The following ANKFN1 variants were observed in gnomAD, a reference collection of about 807,000 sequenced individuals.
The protein encoded by ANKFN1 is ankyrin repeat and fibronectin type-III domain-containing protein 1.
In ANKFN1, 74 loss-of-function variants were observed where a neutral mutation model predicts 108.7. That is an observed-to-expected ratio of 0.68 (90% CI 0.56 to 0.83). ANKFN1 has a LOEUF of 0.83. Among genes scored for constraint, ANKFN1 ranks in the 40% least tolerant of loss-of-function variants. ANKFN1 has a pLI of 0.00. For missense variants in ANKFN1, 1,505 were observed against 1,382.3 expected (o/e 1.09, Z -1.41); for synonymous variants, 547 against 516.2 (o/e 1.06, Z -0.81).
At chr17:56,414,591 G>A (rs1180470566) in intron 8 of ANKFN1, among the ~76,000 whole-genome samples, 1 of 152,130 alleles carries the variant, frequency 6.6e-6, no homozygotes, top group Non-Finnish European at 1.5e-5. Context: ...AGATAACACA[G>A]AGAAAGAACT....
intron 18 of ANKFN1, among the ~76,000 whole-genome samples, chr17:56,489,172 T>C (rs1009644449): frequency 6.6e-6 from 1 of 152,218 alleles, no homozygotes; most frequent in African/African-American, 2.4e-5. Context: ...CTTATGTTAG[T>C]CTGCCACTAT....
intron 3 of ANKFN1, among the ~76,000 whole-genome samples, chr17:56,287,499 C>T (rs1232180543): frequency 6.6e-6 from 1 of 152,308 alleles, no homozygotes; most frequent in South Asian, 2.1e-4. Context: ...GACCCCCAAA[C>T]AGCACCTAAG....
chr17:56,283,743 G>C (rs116156430), intron 3 of ANKFN1, among the ~76,000 whole-genome samples: 6,609 of 151,792 alleles, frequency 0.044, 497 homozygotes, highest in African/African-American at 0.15. Flanking sequence ...TCAGGGGAAA[G>C]GGTGGGAGGG....
At chr17:56,302,898 T>C (rs1057212826) in intron 3 of ANKFN1, among the ~76,000 whole-genome samples, 2 of 152,228 alleles carry the variant, frequency 1.3e-5, no homozygotes, top group African/African-American at 4.8e-5. Context: ...ATTCTAAGAA[T>C]TGTCATGGTT....
At chr17:56,495,184 G>T in intron 19 of ANKFN1, among the ~76,000 whole-genome samples, 1 of 152,078 alleles carries the variant, frequency 6.6e-6, no homozygotes, top group East Asian at 1.9e-4. Context: ...TAACTTCTTG[G>T]TCTGGGTAAA....
rs182952880 is a variant in ANKFN1, at chr17:56,194,279, T to G, written c.-70-18319T>G. Among the ~76,000 whole-genome samples the G allele has an allele frequency of 1.8e-3, 272 of 152,178 alleles. 3 individuals carry two copies. The highest frequency in any genetic ancestry group is 6.1e-3 in the African/African-American group (253 of 41,508). On this transcript the variant is annotated intron_variant, in intron 1 of 20. Transcript: ENST00000682825. ...ACTTCTTGGTATTTATCCTAAGGAG[T>G]TGGAAACTTATATCCACACAAAAAC...
At chr17:56,369,453 G>A (rs547503998) in intron 6 of ANKFN1, among the ~76,000 whole-genome samples, 2 of 152,160 alleles carry the variant, frequency 1.3e-5, no homozygotes, top group South Asian at 4.1e-4. Context: ...ATTCCAGGGT[G>A]GCAAAAATAG....
intron 8 of ANKFN1, among the ~76,000 whole-genome samples, chr17:56,424,220 C>T (rs1460907775): frequency 6.6e-6 from 1 of 152,190 alleles, no homozygotes; most frequent in Non-Finnish European, 1.5e-5. Flanking sequence ...CTGTATCATC[C>T]CTCAGACTTA....
chr17:56,268,065 A>C (rs1189936839), intron 3 of ANKFN1, among the ~76,000 whole-genome samples: 1 of 152,170 alleles, frequency 6.6e-6, no homozygotes, highest in Non-Finnish European at 1.5e-5. Context: ...ACCTATATTC[A>C]ACATTTCACC....
rs868145440 is a variant in ANKFN1 at position 56,144,818 on chromosome 17, C to T, written c.289-83099C>T. 3.3e-5 allele frequency among the ~76,000 whole-genome samples: 5 copies of T among 152,306 alleles called. No homozygotes were observed. The South Asian group carries it at 8.3e-4, about 25-fold the overall frequency. On this transcript the variant is annotated intron_variant, in intron 4 of 12. Transcript: ENST00000635860. ...ATGTCTGAGGCACAAATCCCTGAAG[C>T]AGACCCAGGGACCACTGCCCTTTCC...
At chr17:56,510,429 A>G (rs1361914959) in intron 20 of ANKFN1, 44 bp from the exon 21 acceptor site, 6 of 1,492,878 alleles carry the variant, frequency 4.0e-6, no homozygotes, top group Non-Finnish European at 5.4e-6. Context: ...AGCAGGCTCT[A>G]GCTAAGACTA....
intron 2 of ANKFN1, among the ~76,000 whole-genome samples, chr17:56,223,391 TA>T: frequency 6.6e-6 from 1 of 152,270 alleles, no homozygotes; most frequent in East Asian, 1.9e-4. Context: ...TTATTTCGAT[TA>T]CAAATATTTT....
At chr17:56,049,481 G>A (rs946137660) in intron 4 of ANKFN1, among the ~76,000 whole-genome samples, 2 of 151,422 alleles carry the variant, frequency 1.3e-5, no homozygotes, top group Non-Finnish European at 2.9e-5. Flanking sequence ...ATGCTGGTGC[G>A]CTGCACCCAC....
At chr17:56,498,453 G>A (rs767802177) in intron 19 of ANKFN1, among the ~76,000 whole-genome samples, 10 of 152,070 alleles carry the variant, frequency 6.6e-5, no homozygotes, top group South Asian at 2.1e-4. Context: ...TTATATGTAT[G>A]AGCAATGTAC....
In ANKFN1 at chr17:56,443,556, G is replaced by A. The variant is rs1026551873; in HGVS notation, c.1099+623G>A. On this transcript the variant is annotated intron_variant, in intron 10 of 20. Coordinates refer to ENST00000682825, the MANE Select transcript of ANKFN1 (RefSeq NM_001370326.1). ...CACCCGCAGTGCACACATCCACATCGACCTGATAAGAAAATGAAAGCTAAC... is the reference window on the plus strand; with the variant it reads ...CACCCGCAGTGCACACATCCACATCAACCTGATAAGAAAATGAAAGCTAAC... Among the ~76,000 whole-genome samples the A allele has an allele frequency of 3.3e-5, 5 of 151,908 alleles. No individual in the cohort carries two copies. In the South Asian group the frequency reaches 6.2e-4, roughly 19 times the overall value.
At chr17:56,083,414 C>T (rs889117653) in intron 4 of ANKFN1, among the ~76,000 whole-genome samples, 3 of 151,352 alleles carry the variant, frequency 2.0e-5, no homozygotes, top group Non-Finnish European at 4.4e-5. Flanking sequence ...AATTGTTCTC[C>T]ACACTCCCTC....
At chr17:56,163,865 G>A (rs1909906127) in intron 1 of ANKFN1, among the ~76,000 whole-genome samples, 2 of 152,180 alleles carry the variant, frequency 1.3e-5, no homozygotes, top group African/African-American at 2.4e-5. Flanking sequence ...ATCTATGAGG[G>A]AGAAAGCATC....
At chr17:56,167,557 G>A (rs1256309351) in intron 1 of ANKFN1, among the ~76,000 whole-genome samples, 1 of 151,868 alleles carries the variant, frequency 6.6e-6, no homozygotes. Flanking sequence ...AGATGACTTT[G>A]GGTGAGTTAC....
At chr17:56,345,057 C>T (rs761760616) in intron 4 of ANKFN1, among the ~76,000 whole-genome samples, 37 of 151,954 alleles carry the variant, frequency 2.4e-4, no homozygotes, top group Non-Finnish European at 3.7e-4. Flanking sequence ...CCACACCCAC[C>T]GACAGACCCC....
Sources: allele counts gnomAD v4.1 joint callset (sites outside exome capture counted in the v4.1 genomes callset), GRCh38; gene constraint gnomAD v4.1.1; transcripts MANE v1.5; gene names NCBI Gene and HGNC (gene_info 2026-07-23, HGNC 2026-07-21).